Variants in ANO10 observed in about 807,000 individuals in gnomAD.
ANO10 encodes anoctamin 10, also known as anoctamin-10.
Under a neutral mutation model 74.7 loss-of-function variants are expected in ANO10, and 77 were observed. The observed-to-expected ratio is 1.03, with a 90% confidence interval of 0.86 to 1.25. The LOEUF is 1.25. ANO10 is among the 50% of genes most tolerant of loss of function. ANO10 has a pLI of 0.00. For missense variants in ANO10, 721 were observed against 778.1 expected, an observed-to-expected ratio of 0.93 and a Z score of 0.87; for synonymous variants, 279 against 284.9, an observed-to-expected ratio of 0.98 and a Z score of 0.21.
intron 1 of ANO10, among the ~76,000 whole-genome samples, chr3:43,650,076 G>T (rs1363293243): frequency 6.6e-6 from 1 of 152,252 alleles, no homozygotes; most frequent in Non-Finnish European, 1.5e-5. Flanking sequence ...GGGCCAGTGT[G>T]ACAGCTTTCT....
chr3:43,678,832 T>C (rs539013484), intron 1 of ANO10, among the ~76,000 whole-genome samples: 2 of 152,230 alleles, frequency 1.3e-5, no homozygotes, highest in South Asian at 2.1e-4. Flanking sequence ...CTTTTCTTTA[T>C]GGAAAATATT....
At chr3:43,529,036 C>T (rs1459052052) in intron 11 of ANO10, among the ~76,000 whole-genome samples, 1 of 152,092 alleles carries the variant, frequency 6.6e-6, no homozygotes. Flanking sequence ...AGCCTGAAAC[C>T]ACATTTGAAA....
intron 1 of ANO10, among the ~76,000 whole-genome samples, chr3:43,649,614 C>T (rs2083765109): frequency 6.6e-6 from 1 of 152,144 alleles, no homozygotes; most frequent in Non-Finnish European, 1.5e-5. Flanking sequence ...TTAGAGATCA[C>T]AGCACACTCA....
chr3:43,441,035 T>C (rs901288076), intron 11 of ANO10, among the ~76,000 whole-genome samples: 2 of 151,916 alleles, frequency 1.3e-5, no homozygotes, highest in African/African-American at 2.4e-5. Flanking sequence ...TTATGGGACA[T>C]AGCAACGACA....
intron 7 of ANO10, among the ~76,000 whole-genome samples, chr3:43,573,809 A>C (rs771707704): frequency 6.6e-6 from 1 of 152,190 alleles, no homozygotes; most frequent in Non-Finnish European, 1.5e-5. Context: ...AAATCTAACA[A>C]AAAAAATTTT....
chr3:43,576,957 C>G lies in ANO10; in HGVS notation c.897G>C (p.Gly299=). 1.2e-6 allele frequency: 2 copies of G among 1,613,978 alleles called. No individual in the cohort carries two copies. The highest frequency in any genetic ancestry group is 1.1e-5 in the South Asian group (1 of 91,068). ...HGVLGINSIT[G]KEEPLYPSYK... is the part of the protein sequence containing the mutation. ...AGCTGGGGTACAGAGGCTCCTCCTT[C>G]CCAGTGATGGAATTGATACCCAAGA... Residue 299 remains glycine (G), a synonymous_variant, in exon 6 of 13, where the codon GGG becomes GGC. Transcript: ENST00000292246.
intron 11 of ANO10, among the ~76,000 whole-genome samples, chr3:43,458,261 C>A (rs1308286742): frequency 6.6e-6 from 1 of 152,094 alleles, no homozygotes; most frequent in South Asian, 2.1e-4. Flanking sequence ...GACCACTGTG[C>A]AATAAGATCC....
chr3:43,466,369 C>CTAAAAA (rs2075615216), intron 11 of ANO10, among the ~76,000 whole-genome samples: 1 of 45,392 alleles, frequency 2.2e-5, no homozygotes, highest in African/African-American at 7.3e-5. Context: ...GACTCCATCT[C>CTAAAAA]AAAAAAAAAA....
chr3:43,400,190 T>C (rs144758269), intron 12 of ANO10, among the ~76,000 whole-genome samples: 2,275 of 152,120 alleles, frequency 0.015, 20 homozygotes, highest in Middle Eastern at 0.058. Flanking sequence ...ATGTTTCCTT[T>C]TGTTTAAATA....
intron 4 of ANO10, among the ~76,000 whole-genome samples, chr3:43,593,837 C>T (rs1025739016): frequency 6.6e-6 from 1 of 152,144 alleles, no homozygotes; most frequent in African/African-American, 2.4e-5. Context: ...AGAGTCGAGA[C>T]CCATCAGTAT....
At chr3:43,448,486 G>T (rs1013965611) in intron 11 of ANO10, among the ~76,000 whole-genome samples, 1 of 152,156 alleles carries the variant, frequency 6.6e-6, no homozygotes, top group Admixed American at 6.5e-5. Context: ...TTAGGAACAG[G>T]CATTTAAGGT....
At chr3:43,451,725 G>T (rs2074885988) in intron 11 of ANO10, among the ~76,000 whole-genome samples, 1 of 152,154 alleles carries the variant, frequency 6.6e-6, no homozygotes, top group Non-Finnish European at 1.5e-5. Context: ...GCTTAGATAA[G>T]ACTATAAAGT....
At chr3:43,462,558 G>C (rs1222548028) in intron 11 of ANO10, among the ~76,000 whole-genome samples, 3 of 152,156 alleles carry the variant, frequency 2.0e-5, no homozygotes, top group Admixed American at 6.5e-5. Context: ...AAGGGAAGCA[G>C]AGCATAAAAG....
intron 3 of ANO10, among the ~76,000 whole-genome samples, chr3:43,599,183 A>G (rs930313681): frequency 4.6e-5 from 7 of 152,222 alleles, no homozygotes; most frequent in Non-Finnish European, 7.3e-5. Flanking sequence ...CCTCTTAAAT[A>G]AGGTAAATTT....
In ANO10 at chr3:43,665,924, T is replaced by C. The variant is rs138232845; in HGVS notation, c.-12+25593A>G. ...ATACAATTATAAAGAGGTTTCAGCA[T>C]GTGCTTTTATGTTAGGTATTTGTTT... On this transcript the variant is annotated intron_variant, in intron 1 of 3. Transcript: ENST00000413397. 6.6e-4 allele frequency among the ~76,000 whole-genome samples: 100 copies of C among 152,324 alleles called. 3 individuals are homozygous for C. Among genetic ancestry groups the C allele is most frequent in the African/African-American group, 2.3e-3 (97 of 41,568 alleles).
chr3:43,677,089 G>A (rs1468501493), intron 1 of ANO10, among the ~76,000 whole-genome samples: 1 of 152,144 alleles, frequency 6.6e-6, no homozygotes, highest in African/African-American at 2.4e-5. Flanking sequence ...AATGAACCCA[G>A]CTGCCCATCA....
intron 11 of ANO10, among the ~76,000 whole-genome samples, chr3:43,539,543 G>A (rs2078863153): frequency 1.3e-5 from 2 of 152,174 alleles, no homozygotes; most frequent in African/African-American, 4.8e-5. Flanking sequence ...AGAGCGGGAA[G>A]CACAGGCTGG....
chr3:43,381,949 T>C (rs1057416792), intron 12 of ANO10, among the ~76,000 whole-genome samples: 2 of 152,140 alleles, frequency 1.3e-5, no homozygotes, highest in African/African-American at 4.8e-5. Context: ...GGAAATTAAA[T>C]AGCCTGCTCC....
At chr3:43,591,519 A>G (rs2081756354) in intron 4 of ANO10, among the ~76,000 whole-genome samples, 1 of 152,182 alleles carries the variant, frequency 6.6e-6, no homozygotes, top group Admixed American at 6.5e-5. Flanking sequence ...CCTTGGGAGC[A>G]GCCTGCCCCC....
Sources: gnomAD v4.1 joint callset for allele counts (sites outside exome capture counted in the v4.1 genomes callset) on GRCh38, gnomAD v4.1.1 for gene constraint, MANE v1.5 for transcripts, NCBI Gene and HGNC (gene_info 2026-07-23, HGNC 2026-07-21) for gene names.